The following TBX15 variants were observed in gnomAD, a reference collection of about 807,000 sequenced individuals.
The protein encoded by TBX15 is T-box transcription factor 15.
Under a neutral mutation model 53.9 loss-of-function variants are expected in TBX15, and 18 were observed. The ratio of observed to expected loss-of-function variants is 0.33; its 90% CI spans 0.23 to 0.49. The LOEUF (loss-of-function observed/expected upper bound fraction) is 0.49. Among genes scored for constraint, TBX15 ranks in the 20% least tolerant of loss-of-function variants. TBX15 has a pLI of 0.98. For synonymous variants in TBX15, 295 were observed against 278.0 expected, an observed-to-expected ratio of 1.06 and a Z score of -0.61; for missense variants, 692 against 749.5, an observed-to-expected ratio of 0.92 and a Z score of 0.90.
rs757814280 is a variant in TBX15, at chr1:118,885,123, G to C, written c.1418C>G (p.Pro473Arg). 1 of 1,614,186 alleles carries C rather than the reference G, an allele frequency of 6.2e-7. No individual in the cohort carries two copies. The highest frequency in any genetic ancestry group is 2.2e-5 in the East Asian group (1 of 44,872). ...EAYGGQLGSFPTSQFQYVMQA... is the reference protein window; with the variant it reads ...EAYGGQLGSFRTSQFQYVMQA... ...CATGACATACTGAAACTGGGAAGTG[G>C]GAAAGGACCCCAGCTGGCCACCGTA... Residue 473 changes from proline (P) to arginine (R), a missense_variant, in exon 8 of 8, where the codon CCC (proline) becomes CGC (arginine). Coordinates refer to ENST00000369429, the MANE Select transcript of TBX15 (RefSeq NM_001330677.2).
In TBX15 at chr1:118,923,486, T is replaced by C. The variant is rs762887601; in HGVS notation, c.811A>G (p.Asn271Asp). The C allele has an allele frequency of 6.2e-7, 1 of 1,613,992 alleles. No homozygotes were observed. The highest frequency in any genetic ancestry group is 1.1e-5 in the South Asian group (1 of 91,084). Residue 271 changes from asparagine (N) to aspartate (D), a missense_variant, in exon 5 of 8, where the codon AAC becomes GAC. Physicochemically the swap from Asn to Asp is conservative, Grantham distance 23. Transcript: ENST00000369429. ...VPVGDGVKTF[N>D]FPETVFTTVT... ...GTGGTGAACACAGTCTCAGGAAAGT[T>C]GAACGTTTTCACCCCATCCCCAACA...
At chr1:118,980,065 G>C (rs968801795) in intron 1 of TBX15, among the ~76,000 whole-genome samples, 1 of 152,264 alleles carries the variant, frequency 6.6e-6, no homozygotes, top group Non-Finnish European at 1.5e-5. Context: ...TTTTTCCAGA[G>C]ATGGGTTGAA....
At chr1:118,925,258 G>T (rs541457723) in intron 3 of TBX15, among the ~76,000 whole-genome samples, 3 of 152,292 alleles carry the variant, frequency 2.0e-5, no homozygotes, top group African/African-American at 7.2e-5. Context: ...TCAGGATTTT[G>T]TTCCTTATTA....
chr1:118,981,644 A>C, intron 1 of TBX15, among the ~76,000 whole-genome samples: 1 of 152,234 alleles, frequency 6.6e-6, no homozygotes, highest in East Asian at 1.9e-4. Flanking sequence ...GTGGCACTGA[A>C]GAAATGTTGA....
chr1:118,980,283 G>A (rs1406516955), intron 1 of TBX15, among the ~76,000 whole-genome samples: 2 of 152,110 alleles, frequency 1.3e-5, no homozygotes, highest in African/African-American at 4.8e-5. Flanking sequence ...AGAACGCAGC[G>A]GTGAGGGGAT....
chr1:118,930,096 TC>T (rs1213719058), intron 2 of TBX15, among the ~76,000 whole-genome samples: 1 of 152,128 alleles, frequency 6.6e-6, no homozygotes, highest in Non-Finnish European at 1.5e-5. Flanking sequence ...GGAAGAGAGC[TC>T]CAGAAAAGAA....
At chr1:118,932,086 C>G (rs1195106264) in intron 1 of TBX15, among the ~76,000 whole-genome samples, 1 of 152,126 alleles carries the variant, frequency 6.6e-6, no homozygotes, top group Non-Finnish European at 1.5e-5. Context: ...GTTTTAGCAA[C>G]AGCTGAAGAA....
intron 1 of TBX15, among the ~76,000 whole-genome samples, chr1:118,951,030 G>A (rs979013195): frequency 2.0e-5 from 3 of 152,256 alleles, no homozygotes; most frequent in South Asian, 4.1e-4. Context: ...CAAATTTAAA[G>A]TTTTAAGAAA....
At chr1:118,928,192 A>T (rs890421612) in intron 2 of TBX15, among the ~76,000 whole-genome samples, 5 of 152,218 alleles carry the variant, frequency 3.3e-5, no homozygotes, top group African/African-American at 1.2e-4. Context: ...TGACATCATA[A>T]TCATATCTGA....
intron 1 of TBX15, among the ~76,000 whole-genome samples, chr1:118,932,614 T>G (rs1655834424): frequency 6.6e-6 from 1 of 151,974 alleles, no homozygotes; most frequent in Admixed American, 6.6e-5. Context: ...AACAGGAAGG[T>G]GGGATTGAGA....
At chr1:118,914,637 A>G (rs1655140568) in intron 5 of TBX15, among the ~76,000 whole-genome samples, 1 of 152,258 alleles carries the variant, frequency 6.6e-6, no homozygotes, top group South Asian at 2.1e-4. Flanking sequence ...TCAGACCACA[A>G]GACAATCTGC....
In TBX15 at chr1:118,914,097, T is replaced by A. The variant is rs1655112057; in HGVS notation, c.926+18A>T. ...ATGTCACATAGAAAAGAAGTGCCTC[T>A]TCCCCAGTGATTCTTACCTGTTTCT... On this transcript the variant is annotated intron_variant, in intron 6 of 7. Transcript: ENST00000369429. 2.5e-6 allele frequency: 4 copies of A among 1,613,516 alleles called. No homozygotes were observed. The highest frequency in any genetic ancestry group is 1.3e-5 in the African/African-American group (1 of 75,048).
chr1:118,987,724 G>A lies in TBX15; in HGVS notation c.72C>T (p.Ile24=). 1.9e-6 allele frequency: 3 copies of A among 1,550,420 alleles called. No individual in the cohort carries two copies. The highest frequency in any genetic ancestry group is 2.6e-6 in the Non-Finnish European group (3 of 1,146,866). Residue 24 remains isoleucine, a synonymous_variant, in exon 1 of 8, where the codon ATC becomes ATT. Transcript: ENST00000369429. ...RAHAFSVEAL[I]GSNKKRKLRD... Reference sequence around the variant, plus strand: ...GCAGTTTCCGTTTTTTATTTGAGCCGATCAAGGCTTCAACGGAGAAGGCAT... The same window carrying A: ...GCAGTTTCCGTTTTTTATTTGAGCCAATCAAGGCTTCAACGGAGAAGGCAT...
chr1:118,931,244 C>T (rs966983867), intron 2 of TBX15, among the ~76,000 whole-genome samples: 8 of 152,148 alleles, frequency 5.3e-5, no homozygotes, highest in Non-Finnish European at 7.4e-5. Context: ...GCTTTAAATA[C>T]TTTAGAAGAT....
intron 1 of TBX15, among the ~76,000 whole-genome samples, chr1:118,977,823 C>T (rs767921657): frequency 3.9e-5 from 6 of 152,180 alleles, no homozygotes; most frequent in Non-Finnish European, 8.8e-5. Context: ...TTTTAGCATT[C>T]TCACATCTCT....
chr1:118,943,171 G>A (rs538333385), intron 1 of TBX15, among the ~76,000 whole-genome samples: 1 of 152,290 alleles, frequency 6.6e-6, no homozygotes, highest in African/African-American at 2.4e-5. Flanking sequence ...TCCATCATTT[G>A]GAACAGAAAA....
At chr1:118,886,994 TAAGA>T (rs1295657821) in intron 7 of TBX15, among the ~76,000 whole-genome samples, 4 of 152,170 alleles carry the variant, frequency 2.6e-5, no homozygotes, top group Non-Finnish European at 1.5e-5. Flanking sequence ...TCAGATAATT[TAAGA>T]AGGCCAAAAA....
intron 1 of TBX15, among the ~76,000 whole-genome samples, chr1:118,947,416 G>A (rs1377488366): frequency 6.6e-6 from 1 of 152,150 alleles, no homozygotes. Context: ...GAATCAGAAG[G>A]TAGGAGTGTT....
intron 4 of TBX15, among the ~76,000 whole-genome samples, chr1:118,923,939 C>G (rs148858756): frequency 6.6e-6 from 1 of 152,326 alleles, no homozygotes; most frequent in East Asian, 1.9e-4. Flanking sequence ...CCTCCAGCTT[C>G]AAATTTTCAG....
Sources: gnomAD v4.1 joint callset for allele counts (sites outside exome capture counted in the v4.1 genomes callset) on GRCh38, gnomAD v4.1.1 for gene constraint, MANE v1.5 for transcripts, NCBI Gene and HGNC (gene_info 2026-07-23, HGNC 2026-07-21) for gene names.